The following CSMD1 variants were observed in gnomAD, a reference collection of about 807,000 sequenced individuals.
The protein encoded by CSMD1 is CUB and sushi domain-containing protein 1.
Under a neutral mutation model 417.5 loss-of-function variants are expected in CSMD1, and 213 were observed. The ratio of observed to expected loss-of-function variants is 0.51; its 90% CI spans 0.46 to 0.57. The LOEUF is 0.57. CSMD1 is among the 20% of genes least tolerant of loss of function. The pLI, the probability that CSMD1 is intolerant of heterozygous loss-of-function variation, is 0.00. For missense variants in CSMD1, 6,923 were observed against 4,529.7 expected (o/e 1.53, Z -15.17); for synonymous variants, 2,862 against 1,736.8 (o/e 1.65, Z -16.11).
chr8:4,036,260 T>C (rs1797611376), intron 3 of CSMD1, among the ~76,000 whole-genome samples: 1 of 152,216 alleles, frequency 6.6e-6, no homozygotes, highest in Non-Finnish European at 1.5e-5. Context: ...CATGACTGCA[T>C]GTAACATATC....
intron 39 of CSMD1, among the ~76,000 whole-genome samples, chr8:3,152,827 C>G (rs73491743): frequency 0.045 from 6,865 of 152,270 alleles, 319 homozygotes; most frequent in African/African-American, 0.12. Context: ...GTCCATGCAG[C>G]TGCTGAATGT....
At chr8:3,440,088 G>A (rs573792847) in intron 12 of CSMD1, among the ~76,000 whole-genome samples, 288 of 152,228 alleles carry the variant, frequency 1.9e-3, no homozygotes, top group Non-Finnish European at 2.5e-3. Context: ...TGGGTAAGGT[G>A]CTTTTCCCAC....
chr8:3,206,592 G>T (rs1312406818), intron 30 of CSMD1, among the ~76,000 whole-genome samples: 4 of 133,808 alleles, frequency 3.0e-5, no homozygotes, highest in African/African-American at 8.4e-5. Flanking sequence ...TGTGTGGGGG[G>T]CGTATGTCTG....
chr8:3,297,195 G>C (rs144517586), intron 25 of CSMD1, among the ~76,000 whole-genome samples: 1 of 152,066 alleles, frequency 6.6e-6, no homozygotes, highest in East Asian at 1.9e-4. Flanking sequence ...TAAATGGAGA[G>C]GTATACAATA....
intron 2 of CSMD1, among the ~76,000 whole-genome samples, chr8:4,485,179 A>G (rs1330893245): frequency 6.6e-6 from 1 of 152,002 alleles, no homozygotes; most frequent in African/African-American, 2.4e-5. Flanking sequence ...GATTTGTATA[A>G]AGAGAGTGTC....
rs1483222450 is a variant in CSMD1 at position 2,973,164 on chromosome 8, G to A, written c.8876C>T (p.Thr2959Met). 3 of 1,613,618 alleles carry A rather than the reference G, an allele frequency of 1.9e-6. No homozygotes were observed. Among genetic ancestry groups the A allele is most frequent in the African/African-American group, 1.3e-5 (1 of 74,894 alleles). ...TGACCATGACCCATTGAGCAAACACGTGCGTTCAGGGGAGCCCCTCAGCTG... is the reference window on the plus strand; with the variant it reads ...TGACCATGACCCATTGAGCAAACACATGCGTTCAGGGGAGCCCCTCAGCTG... ...GHQLRGSPER[T>M]CLLNGSWSGL... Residue 2959 changes from threonine to methionine, a missense_variant, in exon 57 of 70, where the codon ACG (threonine) becomes ATG (methionine). By Grantham distance (81) the Thr-to-Met change is moderately conservative. Coordinates refer to ENST00000635120, the MANE Select transcript of CSMD1 (RefSeq NM_033225.6).
chr8:4,878,672 T>C (rs1243304579), intron 1 of CSMD1, among the ~76,000 whole-genome samples: 2 of 151,958 alleles, frequency 1.3e-5, no homozygotes, highest in African/African-American at 2.4e-5. Context: ...GTGAAATGTG[T>C]AGGGTCTTAT....
chr8:3,308,248 C>A, intron 24 of CSMD1, 64 bp downstream of exon 24: 3 of 1,276,624 alleles, frequency 2.3e-6, no homozygotes, highest in South Asian at 1.5e-5. Flanking sequence ...GAAGTCAATG[C>A]AACATGGTGC....
chr8:3,954,414 G>A (rs1415214943), intron 5 of CSMD1, among the ~76,000 whole-genome samples: 1 of 152,138 alleles, frequency 6.6e-6, no homozygotes, highest in Non-Finnish European at 1.5e-5. Context: ...CCAGGCTGGA[G>A]TGCAGTGGCG....
At chr8:4,428,804 C>T (rs938604328) in intron 2 of CSMD1, among the ~76,000 whole-genome samples, 1 of 152,098 alleles carries the variant, frequency 6.6e-6, no homozygotes. Context: ...ACTGCAACCT[C>T]CACCTCCCAG....
At chr8:4,821,501 T>A (rs367950430) in intron 1 of CSMD1, among the ~76,000 whole-genome samples, 36 of 152,152 alleles carry the variant, frequency 2.4e-4, no homozygotes, top group African/African-American at 8.7e-4. Flanking sequence ...TCATGCACAT[T>A]CTTCATGAAT....
In CSMD1 at chr8:4,710,742, G is replaced by C. The variant is rs559837572; in HGVS notation, c.86-73184C>G. On this transcript the variant is annotated intron_variant, in intron 1 of 69. Transcript: ENST00000635120. ...TGCCTGTAATCCCAGCTACTTGGGA[G>C]TCTGAGGCAGGTAAAATGCTTGAAC... 9.9e-5 allele frequency among the ~76,000 whole-genome samples: 15 copies of C among 151,868 alleles called. No homozygotes were observed. In the East Asian group the frequency reaches 2.9e-3, roughly 29 times the overall value.
intron 2 of CSMD1, among the ~76,000 whole-genome samples, chr8:4,594,193 A>ATTTTTTTTTT (rs1213486937): frequency 1.9e-4 from 17 of 88,102 alleles, no homozygotes; most frequent in South Asian, 3.9e-4. Context: ...TTCTAAAGTG[A>ATTTTTTTTTT]TCTTTTTTTT....
chr8:4,886,800 A>G (rs1803770916), intron 1 of CSMD1, among the ~76,000 whole-genome samples: 1 of 152,002 alleles, frequency 6.6e-6, no homozygotes, highest in Non-Finnish European at 1.5e-5. Context: ...TTCTTAAAAT[A>G]TTTTTATTTC....
intron 26 of CSMD1, among the ~76,000 whole-genome samples, chr8:3,248,523 C>CTTTTTTTTTTTTTTTTTTT (rs10663439): frequency 2.3e-5 from 2 of 85,946 alleles, no homozygotes; most frequent in African/African-American, 4.2e-5. Flanking sequence ...AATTCCCTCC[C>CTTTTTTTTTTTTTTTTTTT]TTTTTTTTTT....
chr8:4,214,085 G>T (rs148645099), intron 3 of CSMD1, among the ~76,000 whole-genome samples: 1 of 152,242 alleles, frequency 6.6e-6, no homozygotes, highest in East Asian at 1.9e-4. Context: ...GAATTATCCA[G>T]CATCTTACTC....
At chr8:3,323,451 T>C (rs155329) in intron 23 of CSMD1, among the ~76,000 whole-genome samples, 27,998 of 140,172 alleles carry the variant, frequency 0.2, 3,115 homozygotes, top group Admixed American at 0.29. Context: ...TCTGAACCCC[T>C]CTCTCTCTCT....
At chr8:3,748,214 G>A (rs562029461) in intron 6 of CSMD1, among the ~76,000 whole-genome samples, 5 of 152,242 alleles carry the variant, frequency 3.3e-5, no homozygotes, top group Admixed American at 6.5e-5. Flanking sequence ...AAGTGGTTAC[G>A]TGTTTCTGAT....
chr8:4,971,272 T>C (rs562005444), intron 1 of CSMD1, among the ~76,000 whole-genome samples: 1 of 152,112 alleles, frequency 6.6e-6, no homozygotes, highest in East Asian at 1.9e-4. Context: ...AAGCCTCTTA[T>C]AAATGCTCTC....
Sources: gnomAD v4.1 joint callset for allele counts (sites outside exome capture counted in the v4.1 genomes callset) on GRCh38, gnomAD v4.1.1 for gene constraint, MANE v1.5 for transcripts, NCBI Gene and HGNC (gene_info 2026-07-23, HGNC 2026-07-21) for gene names.